KCNN2: variants seen among roughly 807,000 people sequenced by gnomAD.
The protein encoded by KCNN2 is potassium calcium-activated channel subfamily N member 2.
KCNN2 carries 24 observed loss-of-function variants against 55.5 expected under a neutral mutation model. The observed-to-expected ratio is 0.43, with a 90% CI of 0.31 to 0.61. KCNN2 has a LOEUF of 0.61. Ranked by LOEUF, KCNN2 falls within the 20% of genes least tolerant of loss-of-function variation. The pLI is 0.08. For missense variants in KCNN2, 754 were observed against 853.6 expected (o/e 0.88, Z 1.45); for synonymous variants, 431 against 336.1 (o/e 1.28, Z -3.09).
At chr5:114,287,680 G>A (rs1219773548) in intron 2 of KCNN2, among the ~76,000 whole-genome samples, 3 of 151,818 alleles carry the variant, frequency 2.0e-5, no homozygotes, top group Non-Finnish European at 2.9e-5. Flanking sequence ...ACGGGTTGAT[G>A]GGTGCAGTAA....
intron 1 of KCNN2, among the ~76,000 whole-genome samples, chr5:114,106,579 A>G (rs1264471124): frequency 1.4e-5 from 2 of 143,572 alleles, no homozygotes; most frequent in Non-Finnish European, 3.0e-5. Context: ...GATGGATATC[A>G]TGTTTTGTTG....
intron 1 of KCNN2, among the ~76,000 whole-genome samples, chr5:114,181,752 C>T (rs765969333): frequency 3.9e-4 from 59 of 152,268 alleles, no homozygotes; most frequent in African/African-American, 9.6e-4. Context: ...TGTGGTGTCT[C>T]ACGCCTGTAA....
chr5:114,446,632 A>T (rs1238706064), intron 3 of KCNN2, among the ~76,000 whole-genome samples: 1 of 151,822 alleles, frequency 6.6e-6, no homozygotes, highest in Admixed American at 6.6e-5. Flanking sequence ...TAATTTTTGT[A>T]ATTTTTTTGG....
At chr5:114,136,155 C>A (rs531579197) in intron 1 of KCNN2, among the ~76,000 whole-genome samples, 1 of 152,266 alleles carries the variant, frequency 6.6e-6, no homozygotes, top group South Asian at 2.1e-4. Flanking sequence ...ATAAAAGGAC[C>A]TTGCAATAGC....
At chr5:114,340,991 C>T (rs1757005336) in intron 2 of KCNN2, among the ~76,000 whole-genome samples, 1 of 152,120 alleles carries the variant, frequency 6.6e-6, no homozygotes. Flanking sequence ...CCAGATTCAT[C>T]CTTGTCAAAA....
chr5:114,154,309 T>G, intron 1 of KCNN2, among the ~76,000 whole-genome samples: 1 of 152,120 alleles, frequency 6.6e-6, no homozygotes. Flanking sequence ...GAGCTTTTAG[T>G]GAGCACAAAA....
chr5:114,471,786 C>T (rs1761758015), intron 4 of KCNN2, among the ~76,000 whole-genome samples: 1 of 152,138 alleles, frequency 6.6e-6, no homozygotes, highest in African/African-American at 2.4e-5. Flanking sequence ...TATATTAAAG[C>T]AGTATTGGCT....
At chr5:114,435,981 G>A (rs1444554817) in intron 3 of KCNN2, among the ~76,000 whole-genome samples, 1 of 152,182 alleles carries the variant, frequency 6.6e-6, no homozygotes, top group Non-Finnish European at 1.5e-5. Flanking sequence ...TTTCTCTGAA[G>A]TAGGGGTTTT....
chr5:114,057,404 A>T (rs1036309784), intron 1 of KCNN2, among the ~76,000 whole-genome samples: 1 of 152,344 alleles, frequency 6.6e-6, no homozygotes, highest in Non-Finnish European at 1.5e-5. Context: ...TAATTTATTC[A>T]TAATCATACA....
intron 2 of KCNN2, among the ~76,000 whole-genome samples, chr5:114,304,602 C>T (rs1444108580): frequency 6.6e-6 from 1 of 152,156 alleles, no homozygotes; most frequent in Non-Finnish European, 1.5e-5. Flanking sequence ...AAGGTGTGGC[C>T]TTACTCCAGA....
intron 1 of KCNN2, among the ~76,000 whole-genome samples, chr5:114,128,837 C>G (rs1054808350): frequency 6.6e-6 from 1 of 152,120 alleles, no homozygotes; most frequent in Non-Finnish European, 1.5e-5. Context: ...AGCTTAGATT[C>G]ATTAATTCCC....
intron 2 of KCNN2, among the ~76,000 whole-genome samples, chr5:114,399,379 TGTTTATGTGATGAA>T (rs1758715283): frequency 6.6e-6 from 1 of 152,206 alleles, no homozygotes; most frequent in South Asian, 2.1e-4. Context: ...TTTTTACTTC[TGTTTATGTGATGAA>T]TCATGTTTAA....
In KCNN2 at chr5:114,404,428, A is replaced by C. The variant is rs1372596440; in HGVS notation, c.1219-10A>C. ...CATACTGAAGCTGATTTTCTACTTT[A>C]TTTTTTCAGTTGTTCATGGTGGACA... On this transcript the variant is annotated splice_polypyrimidine_tract_variant and intron_variant, in intron 2 of 7. Coordinates refer to ENST00000673685, the MANE Select transcript of KCNN2 (RefSeq NM_021614.4). 1 of 1,604,920 alleles carries C rather than the reference A, an allele frequency of 6.2e-7. No homozygotes were observed. Among genetic ancestry groups the C allele is most frequent in the Middle Eastern group, 1.7e-4 (1 of 5,936 alleles).
intron 1 of KCNN2, among the ~76,000 whole-genome samples, chr5:114,177,233 G>A (rs1753152054): frequency 6.6e-6 from 1 of 151,584 alleles, no homozygotes; most frequent in Non-Finnish European, 1.5e-5. Flanking sequence ...CGCCTCCCGG[G>A]ATCACGCCAT....
At chr5:114,231,585 T>C (rs2112604269) in intron 2 of KCNN2, among the ~76,000 whole-genome samples, 1 of 151,364 alleles carries the variant, frequency 6.6e-6, no homozygotes, top group African/African-American at 2.5e-5. Context: ...TGGTAGATGA[T>C]ACTGTGATCA....
At chr5:114,090,436 T>C (rs936039491) in intron 1 of KCNN2, among the ~76,000 whole-genome samples, 5 of 152,082 alleles carry the variant, frequency 3.3e-5, no homozygotes, top group African/African-American at 1.2e-4. Flanking sequence ...CATCTTAAAT[T>C]GGAAGGCTGG....
chr5:114,429,643 G>A lies in KCNN2; in HGVS notation c.1637+24787G>A, dbSNP rs148084716. Among the ~76,000 whole-genome samples, 8 of 152,060 alleles carry A rather than the reference G, an allele frequency of 5.3e-5. No homozygotes were observed. The East Asian group carries it at 1.5e-3, about 29-fold the overall frequency. ...ATCAATGTTTTCTTCCGTGGATTGTGCCTTTGGAGTTGTATCTAAAAAGTT... is the reference window on the plus strand; with the variant it reads ...ATCAATGTTTTCTTCCGTGGATTGTACCTTTGGAGTTGTATCTAAAAAGTT... On this transcript the variant is annotated intron_variant, in intron 3 of 7. Transcript: ENST00000673685.
chr5:114,379,918 A>G (rs1400222406), intron 2 of KCNN2, among the ~76,000 whole-genome samples: 2 of 148,412 alleles, frequency 1.3e-5, no homozygotes, highest in Non-Finnish European at 3.0e-5. Context: ...GAATAACATA[A>G]TATATACCAT....
At chr5:114,286,655 T>A (rs891123953) in intron 2 of KCNN2, among the ~76,000 whole-genome samples, 9 of 152,110 alleles carry the variant, frequency 5.9e-5, no homozygotes, top group African/African-American at 2.2e-4. Flanking sequence ...TTTCTGAGAT[T>A]TTAGTTGACT....
Sources: allele counts gnomAD v4.1 joint callset (sites outside exome capture counted in the v4.1 genomes callset), GRCh38; gene constraint gnomAD v4.1.1; transcripts MANE v1.5; gene names NCBI Gene and HGNC (gene_info 2026-07-23, HGNC 2026-07-21).